DYNC2H1: variants seen among roughly 807,000 people sequenced by gnomAD.
The protein encoded by DYNC2H1 is cytoplasmic dynein 2 heavy chain 1.
Under a neutral mutation model 570.0 loss-of-function variants are expected in DYNC2H1, and 410 were observed. The ratio of observed to expected loss-of-function variants is 0.72; its 90% CI spans 0.66 to 0.78. The LOEUF (loss-of-function observed/expected upper bound fraction) is 0.78, where lower values mean the gene tolerates loss of function less well. Among genes scored for constraint, DYNC2H1 ranks in the 30% least tolerant of loss-of-function variants. The pLI, the probability that DYNC2H1 is intolerant of heterozygous loss-of-function variation, is 0.00. For synonymous variants in DYNC2H1, 1,688 were observed against 1,677.6 expected, an observed-to-expected ratio of 1.01 and a Z score of -0.15; for missense variants, 4,865 against 5,046.4, an observed-to-expected ratio of 0.96 and a Z score of 1.09.
In DYNC2H1 at chr11:103,435,953, C is replaced by T. The variant is rs745327292; in HGVS notation, c.12377C>T (p.Ala4126Val). 2 of 1,612,518 alleles carry T rather than the reference C, an allele frequency of 1.2e-6. No homozygotes were observed. The highest frequency in any genetic ancestry group is 2.2e-5 in the South Asian group (2 of 91,016). The part of the protein sequence containing the change: ...SALLNQKCPL[A>V]WQSKWEGPED... Reference sequence around the variant, plus strand: ...CTTTTTAAATTGCAGTGTCCTCTCGCATGGCAGAGCAAGTGGGAAGGCCCA... The same window carrying T: ...CTTTTTAAATTGCAGTGTCCTCTCGTATGGCAGAGCAAGTGGGAAGGCCCA... Residue 4126 changes from alanine to valine, a missense_variant, in exon 85 of 89, where the codon GCA (alanine) becomes GTA (valine). Ala to Val is a moderately conservative substitution (Grantham distance 64). Around this residue, in one of 5 missense-constraint regions of DYNC2H1, gnomAD observed 2,401 missense variants for 2,454.6 expected, o/e 0.98. Transcript: ENST00000375735.
intron 79 of DYNC2H1, among the ~76,000 whole-genome samples, chr11:103,315,788 T>G (rs1163136705): frequency 6.6e-6 from 1 of 152,096 alleles, no homozygotes; most frequent in Non-Finnish European, 1.5e-5. Context: ...CACGTTTTAC[T>G]GAAAGCTACA....
At chr11:103,161,320 A>C (rs1361667921) in intron 29 of DYNC2H1, among the ~76,000 whole-genome samples, 1 of 152,134 alleles carries the variant, frequency 6.6e-6, no homozygotes, top group African/African-American at 2.4e-5. Flanking sequence ...TAGCTCCACA[A>C]CTTAATAGCT....
chr11:103,342,000 G>A (rs1939464876), intron 82 of DYNC2H1, among the ~76,000 whole-genome samples: 1 of 152,180 alleles, frequency 6.6e-6, no homozygotes, highest in African/African-American at 2.4e-5. Flanking sequence ...AACTAGCTGT[G>A]TGTGGTGGCA....
intron 20 of DYNC2H1, among the ~76,000 whole-genome samples, chr11:103,150,125 G>C (rs1860463092): frequency 6.6e-6 from 1 of 152,208 alleles, no homozygotes; most frequent in South Asian, 2.1e-4. Flanking sequence ...GGTGCAATTG[G>C]AAAGAGAGGC....
chr11:103,138,716 C>T (rs1297094835), intron 17 of DYNC2H1, among the ~76,000 whole-genome samples: 17 of 152,076 alleles, frequency 1.1e-4, no homozygotes, highest in Non-Finnish European at 1.2e-4. Context: ...GTCAGGATGA[C>T]ACTGGCCTCA....
intron 85 of DYNC2H1, among the ~76,000 whole-genome samples, chr11:103,449,917 A>G (rs1175793040): frequency 1.3e-5 from 2 of 152,198 alleles, no homozygotes; most frequent in Non-Finnish European, 2.9e-5. Flanking sequence ...GTCAGATTGG[A>G]TAAAACAAGA....
At chr11:103,237,495 C>T (rs1864264847) in intron 63 of DYNC2H1, among the ~76,000 whole-genome samples, 1 of 151,966 alleles carries the variant, frequency 6.6e-6, no homozygotes. Flanking sequence ...TTGCTGACCA[C>T]TAATTGAATA....
chr11:103,380,268 T>G (rs1424612706), intron 83 of DYNC2H1, among the ~76,000 whole-genome samples: 9 of 152,190 alleles, frequency 5.9e-5, no homozygotes, highest in African/African-American at 2.2e-4. Context: ...TTCTGAAGTT[T>G]TTCTTAGGTT....
rs139884429 is a variant in DYNC2H1 at position 103,337,673 on chromosome 11, C to T, written c.12039+13683C>T. Among the ~76,000 whole-genome samples, 274 of 152,208 alleles carry T rather than the reference C, an allele frequency of 1.8e-3. 1 individual carries two copies. Among genetic ancestry groups the T allele is most frequent in the African/African-American group, 6.2e-3 (256 of 41,542 alleles). ...GTTTTCTATACCCGTTGGTCATTTG[C>T]ATGTCTTCTTTTGAGAAATGTCTGT... On this transcript the variant is annotated intron_variant, in intron 82 of 88. Coordinates refer to ENST00000375735, the MANE Select transcript of DYNC2H1 (RefSeq NM_001377.3).
Position 103,109,789 on chromosome 11 carries a change from T to C in DYNC2H1, c.195+20T>C. The stretch of plus-strand genomic sequence containing the variant: ...AACACGGTACGGTTCCTTGCACTCC[T>C]GCCTGACCCCTGACCACTCTTCAAG... On this transcript the variant is annotated intron_variant, in intron 1 of 88. Coordinates refer to ENST00000375735, the MANE Select transcript of DYNC2H1 (RefSeq NM_001377.3). 1 of 1,602,286 alleles carries C rather than the reference T, an allele frequency of 6.2e-7. No individual in the cohort carries two copies. Among genetic ancestry groups the C allele is most frequent in the Non-Finnish European group, 8.5e-7 (1 of 1,172,816 alleles).
intron 82 of DYNC2H1, among the ~76,000 whole-genome samples, chr11:103,337,826 T>G (rs971778529): frequency 6.6e-6 from 1 of 152,220 alleles, no homozygotes; most frequent in African/African-American, 2.4e-5. Flanking sequence ...TCTCCTGTTC[T>G]TCAGATTGTC....
rs369837389 is a variant in DYNC2H1, at chr11:103,222,045, A to C, written c.9123A>C (p.Arg3041Ser). 4.5e-5 allele frequency: 72 copies of C among 1,610,312 alleles called. 1 individual carries two copies. In the Admixed American group the frequency reaches 1.1e-3, roughly 24 times the overall value. ...WVSMKSFLAK[R>S]GVREDIATFD... ...TTAATTTTAGTTTCCTTGCAAAAAG[A>C]GGTGTAAGAGAAGACATAGCAACCT... The change falls in exon 58 of 89, where the codon AGA becomes AGC. Residue 3041 changes from arginine (R) to serine (S), a missense_variant. Arg to Ser is a moderately radical substitution (Grantham distance 110). Transcript: ENST00000375735.
In DYNC2H1 at chr11:103,257,687, A is replaced by T; in HGVS notation, c.10541A>T (p.Asn3514Ile). The change falls in exon 69 of 89, where the codon AAC (asparagine) becomes ATC (isoleucine). Residue 3514 changes from asparagine to isoleucine, a missense_variant. Asn to Ile is a moderately radical substitution (Grantham distance 149). Coordinates refer to ENST00000375735, the MANE Select transcript of DYNC2H1 (RefSeq NM_001377.3). ...FIISDLSKIN[N>I]MYRFSLAAFL... ...ATTTCTGATTTGTCCAAAATTAATA[A>T]CATGTACCGTTTTAGTTTGGCTGCT... 6.2e-7 allele frequency: 1 copy of T among 1,612,570 alleles called. No individual in the cohort carries two copies. Among genetic ancestry groups the T allele is most frequent in the Non-Finnish European group, 8.5e-7 (1 of 1,179,176 alleles).
intron 68 of DYNC2H1, among the ~76,000 whole-genome samples, 161 bp from the exon 69 acceptor site, chr11:103,257,447 T>G (rs1321145466): frequency 6.6e-6 from 1 of 152,226 alleles, no homozygotes; most frequent in Admixed American, 6.5e-5. Context: ...CTTTTTTAGT[T>G]AGAAACCATG....
intron 84 of DYNC2H1, among the ~76,000 whole-genome samples, chr11:103,401,146 T>C (rs1220762368): frequency 6.6e-6 from 1 of 152,196 alleles, no homozygotes; most frequent in Non-Finnish European, 1.5e-5. Flanking sequence ...TCCATTTTAC[T>C]GTGATGAATT....
At position 103,174,171 on chromosome 11, in the gene DYNC2H1, G is replaced by T; in HGVS notation, c.5674+1G>T. On this transcript the variant is annotated splice_donor_variant, in intron 36 of 88. Transcript: ENST00000375735. LOFTEE classifies it high-confidence loss of function. ...AACAAAAGTGGCACTACACAGAATG[G>T]TATGATTGATTATTCCAAATACATT... The T allele has an allele frequency of 6.4e-7, 1 of 1,553,778 alleles. No homozygotes were observed. Among genetic ancestry groups the T allele is most frequent in the Non-Finnish European group, 8.7e-7 (1 of 1,145,058 alleles).
intron 29 of DYNC2H1, among the ~76,000 whole-genome samples, chr11:103,161,669 G>A (rs625029): frequency 0.013 from 1,935 of 152,216 alleles, 43 homozygotes; most frequent in African/African-American, 0.044. Flanking sequence ...ACACTATTTA[G>A]TGCTTGGAAC....
At chr11:103,273,564 TTTTCTC>T (rs1191877187) in intron 70 of DYNC2H1, among the ~76,000 whole-genome samples, 40 of 152,354 alleles carry the variant, frequency 2.6e-4, no homozygotes, top group East Asian at 5.8e-4. Context: ...CGCATGTTCT[TTTTCTC>T]TTTTTCTGTA....
chr11:103,338,532 T>C (rs1939275364), intron 82 of DYNC2H1, among the ~76,000 whole-genome samples: 1 of 152,228 alleles, frequency 6.6e-6, no homozygotes, highest in Non-Finnish European at 1.5e-5. Flanking sequence ...TACTCTTCAA[T>C]TTCTCTGTGT....
Sources: allele counts gnomAD v4.1 joint callset (sites outside exome capture counted in the v4.1 genomes callset), GRCh38; gene constraint gnomAD v4.1.1; regional missense constraint gnomAD v4.1.1; transcripts MANE v1.5; gene names NCBI Gene and HGNC (gene_info 2026-07-23, HGNC 2026-07-21).